Variants in EFCAB8 observed in about 807,000 individuals in gnomAD.
EFCAB8 encodes the protein EF-hand calcium binding domain 8.
In EFCAB8, 100 loss-of-function variants were observed where a neutral mutation model predicts 116.3. The observed-to-expected ratio is 0.86, with a 90% CI of 0.73 to 1.02. The LOEUF is 1.02. EFCAB8 is among the 50% of genes least tolerant of loss of function. EFCAB8 has a pLI of 0.00. For synonymous variants in EFCAB8, 558 were observed against 567.9 expected (o/e 0.98, Z 0.25); for missense variants, 1,320 against 1,416.9 (o/e 0.93, Z 1.10).
At chr20:32,870,302 C>A (rs562718171) in intron 3 of EFCAB8, among the ~76,000 whole-genome samples, 2 of 152,260 alleles carry the variant, frequency 1.3e-5, no homozygotes, top group South Asian at 4.1e-4. Context: ...CCTTGGCCAT[C>A]GTTTTTATTG....
At chr20:32,878,842 G>A in intron 5 of EFCAB8, 35 bp downstream of exon 5, 1 of 1,531,948 alleles carries the variant, frequency 6.5e-7, no homozygotes, top group Non-Finnish European at 8.9e-7. Flanking sequence ...GGTGGGTGGG[G>A]TGACTGGACA....
At chr20:32,950,881 C>T (rs1434267628) in intron 23 of EFCAB8, among the ~76,000 whole-genome samples, 1 of 152,144 alleles carries the variant, frequency 6.6e-6, no homozygotes, top group Non-Finnish European at 1.5e-5. Flanking sequence ...CCTTGAAATG[C>T]ATGAGGCTAG....
Position 32,879,560 on chromosome 20 carries a change from G to A in EFCAB8, c.431+753G>A, listed in dbSNP as rs541393174. On this transcript the variant is annotated intron_variant, in intron 5 of 26. Coordinates refer to ENST00000400522, the MANE Select transcript of EFCAB8 (RefSeq NM_001143967.2). ...ATTTAATATAAGTTTTACATGACAC[G>A]GGAGCCTCTGTAGGAAATGAAGCCC... 3.9e-5 allele frequency among the ~76,000 whole-genome samples: 6 copies of A among 152,246 alleles called. No individual in the cohort carries two copies. The South Asian group carries it at 8.3e-4, about 21-fold the overall frequency.
intron 1 of EFCAB8, 106 bp from the exon 2 acceptor site, chr20:32,863,677 C>T (rs1984242838): frequency 8.9e-7 from 1 of 1,127,820 alleles, no homozygotes; most frequent in Admixed American, 2.4e-5. Context: ...CCACCCTCTC[C>T]CTTGACCTTG....
At chr20:32,924,408 A>G (rs1987590990) in intron 20 of EFCAB8, among the ~76,000 whole-genome samples, 1 of 152,200 alleles carries the variant, frequency 6.6e-6, no homozygotes, top group Non-Finnish European at 1.5e-5. Flanking sequence ...CCTGGGAAGT[A>G]TGTACTATTA....
At chr20:32,867,978 A>G (rs1017028497) in intron 3 of EFCAB8, among the ~76,000 whole-genome samples, 3 of 152,022 alleles carry the variant, frequency 2.0e-5, no homozygotes, top group African/African-American at 7.2e-5. Context: ...CTGGGACTAC[A>G]TGCACATACC....
At chr20:32,936,612 A>G (rs933909365) in intron 22 of EFCAB8, among the ~76,000 whole-genome samples, 1 of 152,216 alleles carries the variant, frequency 6.6e-6, no homozygotes, top group Non-Finnish European at 1.5e-5. Context: ...TCAAAAATCA[A>G]TTGACTATTA....
At chr20:32,927,195 A>G (rs1325440850) in intron 20 of EFCAB8, among the ~76,000 whole-genome samples, 1 of 152,200 alleles carries the variant, frequency 6.6e-6, no homozygotes, top group Non-Finnish European at 1.5e-5. Flanking sequence ...TGACAATTAC[A>G]AAAGTCACCA....
Position 32,938,683 on chromosome 20 carries a change from G to A in EFCAB8, c.2791-4953G>A, listed in dbSNP as rs1017746890. 1.1e-4 allele frequency among the ~76,000 whole-genome samples: 16 copies of A among 148,714 alleles called. No homozygotes were observed. In the South Asian group the frequency reaches 1.3e-3, roughly 12 times the overall value. On this transcript the variant is annotated intron_variant, in intron 22 of 26. Coordinates refer to ENST00000400522, the MANE Select transcript of EFCAB8 (RefSeq NM_001143967.2). Reference sequence around the variant, plus strand: ...AAATTTAAAAATTTCACTTATAATCGCATCAAAAAAATACTTAGGAATAAA... The same window carrying A: ...AAATTTAAAAATTTCACTTATAATCACATCAAAAAAATACTTAGGAATAAA...
chr20:32,943,177 G>A (rs1014822592), intron 22 of EFCAB8, among the ~76,000 whole-genome samples: 1 of 152,150 alleles, frequency 6.6e-6, no homozygotes, highest in Non-Finnish European at 1.5e-5. Flanking sequence ...GAAGACTGAG[G>A]CTCTTGCCCT....
At position 32,918,404 on chromosome 20, in the gene EFCAB8, AGCAGACCCT is replaced by A. The variant is rs1987289250; in HGVS notation, c.2105_2113del (p.Ser702_Tyr705delinsAsn). 5.2e-6 allele frequency: 8 copies of A among 1,551,620 alleles called. No individual in the cohort carries two copies. Among genetic ancestry groups the A allele is most frequent in the Non-Finnish European group, 6.1e-6 (7 of 1,147,006 alleles). ...CTGCCTGGCTGAGAGCCACAGGCCC[AGCAGACCCT>A]ATGTGGAGCGGGAGAAGTGGACATA... On this transcript the variant is annotated inframe_deletion, in exon 19 of 27. Transcript: ENST00000400522.
At chr20:32,949,989 G>T (rs766131759) in intron 23 of EFCAB8, among the ~76,000 whole-genome samples, 3 of 131,700 alleles carry the variant, frequency 2.3e-5, no homozygotes, top group South Asian at 2.4e-4. Flanking sequence ...AACAGAGCAA[G>T]ACTCTGTCTC....
intron 20 of EFCAB8, among the ~76,000 whole-genome samples, chr20:32,921,479 G>A (rs915945906): frequency 6.6e-5 from 10 of 151,756 alleles, no homozygotes; most frequent in African/African-American, 2.4e-4. Context: ...GCCTCCCAAA[G>A]TGTTGGGATT....
At chr20:32,938,107 A>G (rs1251895704) in intron 22 of EFCAB8, among the ~76,000 whole-genome samples, 11 of 150,148 alleles carry the variant, frequency 7.3e-5, no homozygotes, top group African/African-American at 2.5e-5. Context: ...GAAAATGATT[A>G]TACACCATGA....
At chr20:32,937,259 C>A (rs1486928452) in intron 22 of EFCAB8, among the ~76,000 whole-genome samples, 1 of 152,138 alleles carries the variant, frequency 6.6e-6, no homozygotes, top group African/African-American at 2.4e-5. Flanking sequence ...GTATTAGAAG[C>A]ATGAGCCACT....
chr20:32,930,248 G>A (rs1169881640), intron 20 of EFCAB8, 150 bp from the exon 21 acceptor site: 2 of 642,578 alleles, frequency 3.1e-6, no homozygotes, highest in East Asian at 5.5e-5. Flanking sequence ...GTCACCAGCT[G>A]GGGAGGAAGG....
At chr20:32,907,353 C>T (rs1986725589) in intron 13 of EFCAB8, among the ~76,000 whole-genome samples, 2 of 150,076 alleles carry the variant, frequency 1.3e-5, no homozygotes, top group Admixed American at 1.3e-4. Flanking sequence ...GGCAGCCGTT[C>T]CCCTGCGCTG....
At chr20:32,909,496 G>C (rs192715881) in intron 14 of EFCAB8, among the ~76,000 whole-genome samples, 189 of 152,316 alleles carry the variant, frequency 1.2e-3, no homozygotes, top group African/African-American at 4.2e-3. Flanking sequence ...GGGCAAGGGG[G>C]AGGCAGGGAG....
intron 5 of EFCAB8, among the ~76,000 whole-genome samples, chr20:32,879,713 A>G (rs892997546): frequency 3.3e-5 from 5 of 152,144 alleles, no homozygotes; most frequent in Admixed American, 6.6e-5. Flanking sequence ...CAAGGACGTT[A>G]GTTCAGATTC....
Sources: gnomAD v4.1 joint callset for allele counts (sites outside exome capture counted in the v4.1 genomes callset) on GRCh38, gnomAD v4.1.1 for gene constraint, MANE v1.5 for transcripts, NCBI Gene and HGNC (gene_info 2026-07-23, HGNC 2026-07-21) for gene names.